ZNF100: variants seen among roughly 807,000 people sequenced by gnomAD.
The protein encoded by ZNF100 is zinc finger protein 100 (Y1).
Under a neutral mutation model 15.8 loss-of-function variants are expected in ZNF100, and 12 were observed. The observed-to-expected ratio is 0.76, with a 90% CI of 0.49 to 1.23. ZNF100 has a LOEUF of 1.23. Ranked by LOEUF, ZNF100 falls within the 50% of genes most tolerant of loss-of-function variation. The pLI is 0.00. For synonymous variants in ZNF100, 226 were observed against 214.8 expected (o/e 1.05, Z -0.45); for missense variants, 670 against 635.6 (o/e 1.05, Z -0.58).
In ZNF100 at chr19:21,745,048, T is replaced by A; in HGVS notation, c.116A>T (p.Asp39Val). ...YFEKGPLTFR[D>V]VAIEFSLEEW... ...CTCCAGAGAGAATTCTATGGCCACA[T>A]CCCTAAACGTCAATGGCCCCTGAAA... Residue 39 changes from aspartate to valine, a missense_variant, in exon 3 of 5, where the codon GAT becomes GTT. Coordinates refer to ENST00000358296, the MANE Select transcript of ZNF100 (RefSeq NM_173531.4). The A allele has an allele frequency of 6.2e-7, 1 of 1,612,604 alleles. No homozygotes were observed. The highest frequency in any genetic ancestry group is 8.5e-7 in the Non-Finnish European group (1 of 1,179,704).
intron 2 of ZNF100, among the ~76,000 whole-genome samples, chr19:21,754,247 C>A (rs189928079): frequency 0.096 from 14,340 of 148,882 alleles, 916 homozygotes; most frequent in South Asian, 0.18. Context: ...AAAAAAAAAA[C>A]AACAAAACAT....
In ZNF100 at chr19:21,751,361, C is replaced by G. The variant is rs142657105; in HGVS notation, c.97-6294G>C. 1.1e-3 allele frequency: 951 copies of G among 829,774 alleles called. 5 individuals are homozygous for G. The African/African-American group carries it at 0.014, about 12-fold the overall frequency. The allele number at this position is 829,774 out of a possible 1,614,324, so 51.4% of individuals were successfully genotyped here. ...TGATGAGAGATCACATCCCCTCACA[C>G]GAGAAAAAGTTCCACAGGAATAGTT... On this transcript the variant is annotated intron_variant, in intron 2 of 4. Coordinates refer to ENST00000358296, the MANE Select transcript of ZNF100 (RefSeq NM_173531.4).
chr19:21,732,960 C>G (rs1286020931), intron 4 of ZNF100, among the ~76,000 whole-genome samples: 1 of 152,158 alleles, frequency 6.6e-6, no homozygotes, highest in Admixed American at 6.5e-5. Flanking sequence ...GGCACAGTGG[C>G]TCAGGCCTGT....
intron 4 of ZNF100, among the ~76,000 whole-genome samples, chr19:21,732,876 G>T (rs776875069): frequency 8.6e-5 from 13 of 151,754 alleles, no homozygotes; most frequent in Non-Finnish European, 1.6e-4. Context: ...TAAAAATAAG[G>T]ACTTTCCAAA....
In ZNF100 at chr19:21,727,984, A is replaced by G. The variant is rs1363830654; in HGVS notation, c.328T>C (p.Cys110Arg). The change falls in exon 5 of 5, where the codon TGT becomes CGT. Residue 110 changes from cysteine to arginine, a missense_variant. Cys to Arg is a radical substitution (Grantham distance 180). Transcript: ENST00000358296. ...HEMVAKPPVI[C>R]SHFPQDLWAE... ...CAAAGGTCTTGGGGAAAATGAGAAC[A>G]TATAACTGAAAGAAATAAAAATAAC... 2 of 1,513,620 alleles carry G rather than the reference A, an allele frequency of 1.3e-6. No homozygotes were observed. The highest frequency in any genetic ancestry group is 2.3e-5 in the Admixed American group (1 of 42,762). The allele number at this position is 1,513,620 out of a possible 1,614,324, so 93.8% of individuals were successfully genotyped here.
chr19:21,754,962 C>T (rs1301909731), intron 2 of ZNF100, among the ~76,000 whole-genome samples: 1 of 152,144 alleles, frequency 6.6e-6, no homozygotes, highest in Non-Finnish European at 1.5e-5. Context: ...ACAACCCCAT[C>T]AAAAAGTGGG....
chr19:21,767,500 C>A lies in ZNF100; in HGVS notation c.-71G>T, dbSNP rs75668513. The A allele has an allele frequency of 1.9e-6, 3 of 1,605,666 alleles. No individual in the cohort carries two copies. The highest frequency in any genetic ancestry group is 2.7e-5 in the African/African-American group (2 of 74,642). ...AATATCTGCAGGTCAGAGGGCCACA[C>A]AGGCTAGGCCCCTAGGAGCAGAAGA... is the stretch of plus-strand genomic sequence containing the variant. On this transcript the variant is annotated 5_prime_UTR_variant, in exon 1 of 5. Coordinates refer to ENST00000358296, the MANE Select transcript of ZNF100 (RefSeq NM_173531.4).
At chr19:21,755,823 AAC>A (rs764684116) in intron 2 of ZNF100, among the ~76,000 whole-genome samples, 1 of 152,218 alleles carries the variant, frequency 6.6e-6, no homozygotes, top group Non-Finnish European at 1.5e-5. Context: ...TCAGCAAACT[AAC>A]ACAGGAACAG....
rs1283556221 is a variant in ZNF100, at chr19:21,745,030, G to A, written c.134C>T (p.Ser45Phe). ...GTCCAGGCATTGCCACTCCTCCAGA[G>A]AGAATTCTATGGCCACATCCCTAAA... ...LTFRDVAIEFSLEEWQCLDSA... is the reference protein window; with the variant it reads ...LTFRDVAIEFFLEEWQCLDSA... The change falls in exon 3 of 5, where the codon TCT becomes TTT. Residue 45 changes from serine (S) to phenylalanine (F), a missense_variant. Transcript: ENST00000358296. 5 of 1,613,260 alleles carry A rather than the reference G, an allele frequency of 3.1e-6. No individual in the cohort carries two copies. The South Asian group carries it at 4.4e-5, about 14-fold the overall frequency.
At chr19:21,733,691 C>T (rs1440004728) in intron 4 of ZNF100, among the ~76,000 whole-genome samples, 1 of 152,274 alleles carries the variant, frequency 6.6e-6, no homozygotes, top group Non-Finnish European at 1.5e-5. Context: ...AGCACACCCC[C>T]TTCACCAAGA....
intron 2 of ZNF100, chr19:21,746,806 T>G (rs1193744350): frequency 2.6e-5 from 4 of 151,912 alleles, no homozygotes; most frequent in East Asian, 1.9e-4. Context: ...GCTCTTGATG[T>G]GAGACTTACT....
At chr19:21,762,439 T>C (rs1239416276) in intron 2 of ZNF100, among the ~76,000 whole-genome samples, 1 of 152,220 alleles carries the variant, frequency 6.6e-6, no homozygotes, top group Admixed American at 6.5e-5. Flanking sequence ...ATTCTACTCC[T>C]TGTGTAGAAA....
At chr19:21,752,015 T>C in intron 2 of ZNF100, 1 of 319,320 alleles carries the variant, frequency 3.1e-6, no homozygotes, top group Non-Finnish European at 5.7e-6. Flanking sequence ...AAATTAGTGT[T>C]TTCATCAAAA....
rs2036300749 is a variant in ZNF100 at position 21,751,152 on chromosome 19, G to A, written c.97-6085C>T. ...CTCAAACCGATGTGCGAGACAAGAG[G>A]AAGAGCAACCACTTAAATCATCTAT... On this transcript the variant is annotated intron_variant, in intron 2 of 4. Coordinates refer to ENST00000358296, the MANE Select transcript of ZNF100 (RefSeq NM_173531.4). The A allele has an allele frequency of 3.7e-6, 5 of 1,340,534 alleles. No homozygotes were observed. The Admixed American group carries it at 5.1e-5, about 14-fold the overall frequency. 83.0% of individuals were successfully genotyped at this position (1,340,534 alleles called of 1,614,324 possible).
At chr19:21,737,304 T>C (rs533307130) in intron 4 of ZNF100, among the ~76,000 whole-genome samples, 1 of 151,870 alleles carries the variant, frequency 6.6e-6, no homozygotes, top group Non-Finnish European at 1.5e-5. Context: ...AGTGGGTGGA[T>C]CACCTGAGGT....
At chr19:21,754,609 T>TC (rs2036363321) in intron 2 of ZNF100, among the ~76,000 whole-genome samples, 1 of 152,154 alleles carries the variant, frequency 6.6e-6, no homozygotes, top group Non-Finnish European at 1.5e-5. Flanking sequence ...ACTGGACCCC[T>TC]TCCTTACAAA....
chr19:21,757,473 GT>G (rs1252023447), intron 2 of ZNF100, among the ~76,000 whole-genome samples: 1 of 152,144 alleles, frequency 6.6e-6, no homozygotes, highest in Non-Finnish European at 1.5e-5. Flanking sequence ...TACTGGCAAG[GT>G]TGCAGAGAAA....
At chr19:21,761,669 CT>C (rs78046056) in intron 2 of ZNF100, among the ~76,000 whole-genome samples, 115,023 of 151,168 alleles carry the variant, frequency 0.76, 44,868 homozygotes, top group Non-Finnish European at 0.85. Flanking sequence ...AAGACTAAAA[CT>C]TTTTTTTTTT....
rs905287499 is a variant in ZNF100, at chr19:21,725,130, C to A, written c.*1553G>T. 6.6e-6 allele frequency: 1 copy of A among 152,052 alleles called. No individual in the cohort carries two copies. Among genetic ancestry groups the A allele is most frequent in the Non-Finnish European group, 1.5e-5 (1 of 68,004 alleles). The allele number at this position is 152,052 out of a possible 1,614,324, so 9.4% of individuals were successfully genotyped here. On this transcript the variant is annotated 3_prime_UTR_variant, in exon 5 of 5. Transcript: ENST00000358296. ...ACTTATTTGCAGTCAAAGCCACTAG[C>A]AAAAGAGATTACTAGAGATGTTAAT... is the stretch of plus-strand genomic sequence containing the variant.
Sources: allele counts gnomAD v4.1 joint callset (sites outside exome capture counted in the v4.1 genomes callset), GRCh38; gene constraint gnomAD v4.1.1; transcripts MANE v1.5; gene names NCBI Gene and HGNC (gene_info 2026-07-23, HGNC 2026-07-21).